Variants in NAV2 observed in about 807,000 individuals in gnomAD.
NAV2 encodes neuron navigator 2, also known as helicase, APC down-regulated 1.
A neutral mutation model predicts 223.2 loss-of-function variants in NAV2; 54 were observed. The observed-to-expected ratio is 0.24, with a 90% confidence interval of 0.19 to 0.30. The LOEUF is 0.30. Among genes scored for constraint, NAV2 ranks in the 10% least tolerant of loss-of-function variants. The pLI is 1.00. For missense variants in NAV2, 2,806 were observed against 3,147.5 expected (o/e 0.89, Z 2.60); for synonymous variants, 1,279 against 1,239.3 (o/e 1.03, Z -0.67).
intron 2 of NAV2, among the ~76,000 whole-genome samples, chr11:19,834,238 C>G (rs896306787): frequency 1.3e-5 from 2 of 152,200 alleles, no homozygotes; most frequent in Non-Finnish European, 2.9e-5. Context: ...CTCATTTTCT[C>G]AAAACCCTTT....
chr11:19,595,686 A>G (rs1406432912), intron 1 of NAV2, among the ~76,000 whole-genome samples: 1 of 151,694 alleles, frequency 6.6e-6, no homozygotes, highest in Non-Finnish European at 1.5e-5. Flanking sequence ...CCTCCCGAGT[A>G]GCTGGGACCA....
In NAV2 at chr11:19,372,140, G is replaced by A. The variant is rs942774564; in HGVS notation, c.75+21113G>A. Among the ~76,000 whole-genome samples the A allele has an allele frequency of 2.0e-5, 3 of 152,098 alleles. No individual in the cohort carries two copies. In the South Asian group the frequency reaches 6.2e-4, roughly 31 times the overall value. ...CTGTTGGTAAGGAATTGGAAAACCT[G>A]GATATAATTCTAGCTTTGCTACTAA... On this transcript the variant is annotated intron_variant, in intron 1 of 37. Coordinates refer to the NAV2 transcript ENST00000360655.
chr11:19,842,699 G>A (rs1015756797), intron 2 of NAV2, among the ~76,000 whole-genome samples, 172 bp from the exon 3 acceptor site: 2 of 152,154 alleles, frequency 1.3e-5, no homozygotes, highest in African/African-American at 4.8e-5. Flanking sequence ...ACGGCAGCTC[G>A]ATGAGTAAGT....
chr11:19,697,031 G>C (rs2049362367), intron 1 of NAV2, among the ~76,000 whole-genome samples: 2 of 152,170 alleles, frequency 1.3e-5, no homozygotes, highest in Non-Finnish European at 1.5e-5. Flanking sequence ...ACTAGAATAG[G>C]ACCACAGAAG....
At chr11:19,889,733 A>G (rs528969336) in intron 5 of NAV2, among the ~76,000 whole-genome samples, 1 of 152,338 alleles carries the variant, frequency 6.6e-6, no homozygotes, top group East Asian at 1.9e-4. Flanking sequence ...AGTTAATCCC[A>G]AACCACGGAT....
intron 1 of NAV2, among the ~76,000 whole-genome samples, chr11:19,645,312 T>A (rs2047784536): frequency 6.6e-6 from 1 of 152,196 alleles, no homozygotes; most frequent in African/African-American, 2.4e-5. Flanking sequence ...TGCTTTCACT[T>A]CTAAGGACCA....
intron 1 of NAV2, among the ~76,000 whole-genome samples, chr11:19,532,126 A>T (rs2044044317): frequency 6.6e-6 from 1 of 152,188 alleles, no homozygotes; most frequent in Non-Finnish European, 1.5e-5. Context: ...GAGCAGGGAG[A>T]TTCATGGCCC....
chr11:19,549,516 T>G (rs1223912982), intron 1 of NAV2, among the ~76,000 whole-genome samples: 1 of 152,186 alleles, frequency 6.6e-6, no homozygotes, highest in Non-Finnish European at 1.5e-5. Flanking sequence ...TAGATGCCCC[T>G]GACTACAGAG....
intron 1 of NAV2, among the ~76,000 whole-genome samples, chr11:19,513,310 C>T (rs1296167858): frequency 6.6e-5 from 10 of 152,190 alleles, no homozygotes; most frequent in East Asian, 5.8e-4. Context: ...AGTAGAATGT[C>T]GAATGACCCC....
intron 11 of NAV2, among the ~76,000 whole-genome samples, chr11:20,015,045 G>A (rs1268394659): frequency 6.6e-6 from 1 of 152,214 alleles, no homozygotes; most frequent in Non-Finnish European, 1.5e-5. Flanking sequence ...TCAAGGAGCT[G>A]AGATTGTGTC....
rs1162208530 is a variant in NAV2 at position 19,945,107 on chromosome 11, CT to C, written c.2147-1287del. On this transcript the variant is annotated intron_variant, in intron 8 of 37. Coordinates refer to ENST00000349880, the MANE Select transcript of NAV2 (RefSeq NM_145117.5). The stretch of plus-strand genomic sequence containing the variant: ...TCTCTTTTCTTCTCTTCTCTTCTTT[CT>C]TTTTTTCTCTTTCTTTCTTTCTTTC... Among the ~76,000 whole-genome samples the C allele has an allele frequency of 1.3e-4, 14 of 104,640 alleles. No homozygotes were observed. In the East Asian group the frequency reaches 3.0e-3, roughly 23 times the overall value. The allele number at this position is 104,640 out of a possible 152,430, so 68.6% of individuals were successfully genotyped here.
At chr11:19,842,951 T>A (rs767779673) in intron 3 of NAV2, 28 bp downstream of exon 3, 1 of 1,605,376 alleles carries the variant, frequency 6.2e-7, no homozygotes, top group South Asian at 1.1e-5. Flanking sequence ...AGTAAATGTT[T>A]GAGTTCTGTC....
At chr11:19,787,363 G>C (rs78847818) in intron 1 of NAV2, among the ~76,000 whole-genome samples, 6,692 of 139,086 alleles carry the variant, frequency 0.048, 185 homozygotes, top group Middle Eastern at 0.077. Flanking sequence ...GGATCCTTCT[G>C]CCTCAGCCTC....
chr11:20,087,271 T>C (rs2060511470), intron 26 of NAV2, among the ~76,000 whole-genome samples: 1 of 152,176 alleles, frequency 6.6e-6, no homozygotes, highest in South Asian at 2.1e-4. Flanking sequence ...CCAAGCCACT[T>C]TCCCCAGAGG....
At chr11:19,540,822 G>A (rs949889667) in intron 1 of NAV2, among the ~76,000 whole-genome samples, 14 of 152,184 alleles carry the variant, frequency 9.2e-5, no homozygotes, top group African/African-American at 2.9e-4. Flanking sequence ...CAAGGTGGGA[G>A]GCAAGGTTGA....
At chr11:19,668,795 A>T (rs2135787593) in intron 1 of NAV2, among the ~76,000 whole-genome samples, 1 of 152,190 alleles carries the variant, frequency 6.6e-6, no homozygotes, top group African/African-American at 2.4e-5. Flanking sequence ...TGCTTGCCAA[A>T]TCAGAAGTAA....
chr11:19,373,755 A>G (rs1848548298), intron 1 of NAV2, among the ~76,000 whole-genome samples: 1 of 152,172 alleles, frequency 6.6e-6, no homozygotes, highest in African/African-American at 2.4e-5. Flanking sequence ...CATTATCTTC[A>G]TGATTGTCGC....
chr11:20,048,442 A>G (rs1001861927), intron 14 of NAV2, among the ~76,000 whole-genome samples: 1 of 152,202 alleles, frequency 6.6e-6, no homozygotes, highest in Non-Finnish European at 1.5e-5. Flanking sequence ...GCCCAGTGTC[A>G]TGTGAATAGG....
chr11:19,640,224 T>C (rs1426013849), intron 1 of NAV2, among the ~76,000 whole-genome samples: 1 of 152,172 alleles, frequency 6.6e-6, no homozygotes, highest in Non-Finnish European at 1.5e-5. Context: ...TAATAATAGA[T>C]ATTCTGGGAA....
Sources: gnomAD v4.1 joint callset for allele counts (sites outside exome capture counted in the v4.1 genomes callset) on GRCh38, gnomAD v4.1.1 for gene constraint, MANE v1.5 for transcripts, NCBI Gene and HGNC (gene_info 2026-07-23, HGNC 2026-07-21) for gene names.